The following HS6ST3 variants were observed in gnomAD, a reference collection of about 807,000 sequenced individuals.
HS6ST3 encodes heparan sulfate 6-O-sulfotransferase 3, also known as heparan-sulfate 6-O-sulfotransferase 3.
HS6ST3 carries 12 observed loss-of-function variants against 36.7 expected under a neutral mutation model. The ratio of observed to expected loss-of-function variants is 0.33; its 90% CI spans 0.21 to 0.53. The LOEUF (loss-of-function observed/expected upper bound fraction) is 0.53. HS6ST3 is among the 20% of genes least tolerant of loss of function. The pLI is 0.95. For synonymous variants in HS6ST3, 240 were observed against 257.5 expected, an observed-to-expected ratio of 0.93 and a Z score of 0.65; for missense variants, 584 against 640.9, an observed-to-expected ratio of 0.91 and a Z score of 0.96.
chr13:96,437,628 A>T (rs1439336821), intron 1 of HS6ST3, among the ~76,000 whole-genome samples: 1 of 152,218 alleles, frequency 6.6e-6, no homozygotes, highest in Non-Finnish European at 1.5e-5. Context: ...AACAGAGCTG[A>T]TGGGAACTAT....
chr13:96,143,266 G>A (rs1366593580), intron 1 of HS6ST3, among the ~76,000 whole-genome samples: 7 of 151,706 alleles, frequency 4.6e-5, no homozygotes, highest in Non-Finnish European at 1.0e-4. Flanking sequence ...CTTTTTGACA[G>A]ATCAAAACAA....
At chr13:96,625,212 A>G (rs1388178936) in intron 1 of HS6ST3, among the ~76,000 whole-genome samples, 3 of 152,138 alleles carry the variant, frequency 2.0e-5, no homozygotes, top group Non-Finnish European at 2.9e-5. Flanking sequence ...GCATTTGTCA[A>G]CTCTCATGAC....
intron 1 of HS6ST3, among the ~76,000 whole-genome samples, chr13:96,741,219 C>A (rs925069634): frequency 6.6e-6 from 1 of 152,008 alleles, no homozygotes; most frequent in East Asian, 1.9e-4. Context: ...TTGTTCTTGC[C>A]ACTGAGCAAC....
intron 1 of HS6ST3, among the ~76,000 whole-genome samples, chr13:96,151,249 C>G (rs2054083389): frequency 6.6e-6 from 1 of 152,036 alleles, no homozygotes. Flanking sequence ...ACTATAAATA[C>G]AAAAATTAGC....
chr13:96,391,393 A>G (rs1442533461), intron 1 of HS6ST3, among the ~76,000 whole-genome samples: 1 of 152,162 alleles, frequency 6.6e-6, no homozygotes, highest in East Asian at 1.9e-4. Flanking sequence ...GTACTCATGC[A>G]CTTTCATAGT....
intron 1 of HS6ST3, among the ~76,000 whole-genome samples, chr13:96,488,252 G>C (rs1189740766): frequency 6.6e-6 from 1 of 151,914 alleles, no homozygotes; most frequent in African/African-American, 2.4e-5. Context: ...ATTTTCTCCT[G>C]TGTTCCAGTT....
At chr13:96,709,413 G>A (rs533870902) in intron 1 of HS6ST3, among the ~76,000 whole-genome samples, 71 of 152,208 alleles carry the variant, frequency 4.7e-4, no homozygotes, top group African/African-American at 8.9e-4. Context: ...TCATCTTTGC[G>A]TCCTGGAGGC....
rs79709630 is a variant in HS6ST3 at position 96,726,268 on chromosome 13, C to T, written c.708-106222C>T. Among the ~76,000 whole-genome samples the T allele has an allele frequency of 2.9e-3, 442 of 152,222 alleles. 1 individual carries two copies. The highest frequency in any genetic ancestry group is 9.9e-3 in the African/African-American group (413 of 41,544). On this transcript the variant is annotated intron_variant, in intron 1 of 1. Transcript: ENST00000376705. ...CATCTTTACAACTTCTACAGAAGTT[C>T]CTGCTGGGATTTTGATTGGAATAGT...
At chr13:96,351,335 T>TTTTTTTTTTTTTTTTTTTTTAAA (rs1203595829) in intron 1 of HS6ST3, among the ~76,000 whole-genome samples, 5 of 146,362 alleles carry the variant, frequency 3.4e-5, no homozygotes, top group African/African-American at 1.3e-4. Context: ...TTTTTTTTTT[T>TTTTTTTTTTTTTTTTTTTTTAAA]AAAAAAAACA....
intron 1 of HS6ST3, among the ~76,000 whole-genome samples, chr13:96,177,758 C>T (rs1280272224): frequency 2.7e-5 from 4 of 145,654 alleles, no homozygotes; most frequent in Admixed American, 7.0e-5. Flanking sequence ...TACCTACCCC[C>T]GAACCTAAAA....
chr13:96,666,434 A>G (rs925284601), intron 1 of HS6ST3, among the ~76,000 whole-genome samples: 18 of 152,282 alleles, frequency 1.2e-4, no homozygotes, highest in African/African-American at 1.4e-4. Context: ...TCTGTCATCA[A>G]TTCATTAAAA....
intron 1 of HS6ST3, among the ~76,000 whole-genome samples, chr13:96,645,073 A>T (rs2056584195): frequency 1.3e-5 from 2 of 151,898 alleles, no homozygotes; most frequent in African/African-American, 4.8e-5. Flanking sequence ...TTTTTTTTTA[A>T]ATAAATGTAT....
rs77294991 is a variant in HS6ST3, at chr13:96,593,111, A to G, written c.708-239379A>G. ...AGGACATTTTCTAAATTTTGTAAGT[A>G]TGCTTCATTGTTTTTATTCTTTTTT... On this transcript the variant is annotated intron_variant, in intron 1 of 1. Coordinates refer to ENST00000376705, the MANE Select transcript of HS6ST3 (RefSeq NM_153456.4). 9.9e-3 allele frequency among the ~76,000 whole-genome samples: 1,404 copies of G among 142,520 alleles called. 26 individuals are homozygous for G. The highest frequency in any genetic ancestry group is 0.034 in the African/African-American group (1,308 of 38,704). The allele number at this position is 142,520 out of a possible 152,430, so 93.5% of individuals were successfully genotyped here. A position where few individuals can be genotyped will look rare whatever the true frequency, so the allele number is the denominator to read the frequency against.
chr13:96,451,818 A>G (rs888992029), intron 1 of HS6ST3, among the ~76,000 whole-genome samples: 1 of 152,154 alleles, frequency 6.6e-6, no homozygotes, highest in Non-Finnish European at 1.5e-5. Context: ...CAGAAAAGGA[A>G]ATTTATACTA....
intron 1 of HS6ST3, among the ~76,000 whole-genome samples, chr13:96,685,075 T>A (rs1874731866): frequency 6.6e-6 from 1 of 152,122 alleles, no homozygotes; most frequent in African/African-American, 2.4e-5. Flanking sequence ...CAAACAGAAG[T>A]GACCTGTTTG....
intron 1 of HS6ST3, among the ~76,000 whole-genome samples, chr13:96,142,457 CTG>C (rs1399235427): frequency 6.6e-6 from 1 of 152,128 alleles, no homozygotes; most frequent in Non-Finnish European, 1.5e-5. Context: ...TGAAAAGAAT[CTG>C]GTACCGAGTC....
At chr13:96,402,172 T>C (rs906432524) in intron 1 of HS6ST3, among the ~76,000 whole-genome samples, 2 of 152,180 alleles carry the variant, frequency 1.3e-5, no homozygotes, top group African/African-American at 4.8e-5. Flanking sequence ...ATGTAAGATA[T>C]GTTGAACTTA....
At chr13:96,263,965 G>A (rs141121206) in intron 1 of HS6ST3, among the ~76,000 whole-genome samples, 13 of 152,310 alleles carry the variant, frequency 8.5e-5, no homozygotes, top group African/African-American at 3.1e-4. Context: ...ATGGAGCCTG[G>A]CCTCCTGGGT....
intron 1 of HS6ST3, among the ~76,000 whole-genome samples, chr13:96,300,442 G>T (rs570030046): frequency 6.6e-6 from 1 of 152,190 alleles, no homozygotes; most frequent in Non-Finnish European, 1.5e-5. Flanking sequence ...CTATGATCCA[G>T]TCGCCTCCCA....
Sources: allele counts gnomAD v4.1 joint callset (sites outside exome capture counted in the v4.1 genomes callset), GRCh38; gene constraint gnomAD v4.1.1; transcripts MANE v1.5; gene names NCBI Gene and HGNC (gene_info 2026-07-23, HGNC 2026-07-21).